COX7B2: variants seen among roughly 807,000 people sequenced by gnomAD.
The protein encoded by COX7B2 is cytochrome c oxidase subunit 7B2.
For missense variants in COX7B2, 109 were observed against 95.9 expected, an observed-to-expected ratio of 1.14 and a Z score of -0.57; for synonymous variants, 37 against 32.1, an observed-to-expected ratio of 1.15 and a Z score of -0.51.
chr4:46,803,752 T>TA (rs1331948201), intron 2 of COX7B2, among the ~76,000 whole-genome samples: 1 of 131,384 alleles, frequency 7.6e-6, no homozygotes, highest in African/African-American at 2.7e-5. Flanking sequence ...TTTTTTTTTT[T>TA]AACATTCCAT....
At chr4:46,759,905 T>C (rs184771268) in intron 2 of COX7B2, among the ~76,000 whole-genome samples, 22 of 149,674 alleles carry the variant, frequency 1.5e-4, no homozygotes, top group Admixed American at 9.3e-4. Flanking sequence ...ATAAGTCTTA[T>C]CTTATATAAG....
chr4:46,754,495 T>C (rs1165830084), intron 2 of COX7B2, among the ~76,000 whole-genome samples: 1 of 118,756 alleles, frequency 8.4e-6, no homozygotes, highest in Non-Finnish European at 1.6e-5. Context: ...TTCTCACTCA[T>C]AGTTGGGAAC....
At position 46,862,368 on chromosome 4, in the gene COX7B2, T is replaced by G. The variant is rs1428200204; in HGVS notation, c.-104-17354A>C. Among the ~76,000 whole-genome samples, 3 of 152,330 alleles carry G rather than the reference T, an allele frequency of 2.0e-5. No homozygotes were observed. In the East Asian group the frequency reaches 5.8e-4, roughly 29 times the overall value. On this transcript the variant is annotated intron_variant, in intron 1 of 2. Coordinates refer to ENST00000355591, the MANE Select transcript of COX7B2 (RefSeq NM_130902.3). ...TGGTGAATTTTATATTGCTATCTTATGACTAGAATTCTGAGGTAAAAGCAA... is the reference window on the plus strand; with the variant it reads ...TGGTGAATTTTATATTGCTATCTTAGGACTAGAATTCTGAGGTAAAAGCAA...
chr4:46,806,847 G>T (rs957679559), intron 2 of COX7B2, among the ~76,000 whole-genome samples: 10 of 151,984 alleles, frequency 6.6e-5, no homozygotes, highest in Non-Finnish European at 1.5e-4. Context: ...CAAAGGGCAA[G>T]ATCTTGCTTT....
At chr4:46,810,009 G>A (rs1235725221) in intron 2 of COX7B2, among the ~76,000 whole-genome samples, 1 of 151,948 alleles carries the variant, frequency 6.6e-6, no homozygotes, top group Non-Finnish European at 1.5e-5. Context: ...TTTGTCCCAT[G>A]TTACTTTTTG....
intron 2 of COX7B2, among the ~76,000 whole-genome samples, chr4:46,780,652 T>C (rs1024590054): frequency 2.6e-5 from 4 of 152,246 alleles, no homozygotes; most frequent in African/African-American, 9.6e-5. Flanking sequence ...GATATGTGAT[T>C]ACATATACTT....
chr4:46,852,725 C>G (rs1005991612), intron 1 of COX7B2, among the ~76,000 whole-genome samples: 1 of 152,114 alleles, frequency 6.6e-6, no homozygotes, highest in Non-Finnish European at 1.5e-5. Context: ...TATGAAAAAT[C>G]TGAGTCACCC....
chr4:46,820,218 G>T (rs555345700), intron 2 of COX7B2, among the ~76,000 whole-genome samples: 1 of 152,292 alleles, frequency 6.6e-6, no homozygotes, highest in South Asian at 2.1e-4. Flanking sequence ...CCATCTGGGG[G>T]AGATCGGAAA....
intron 1 of COX7B2, among the ~76,000 whole-genome samples, chr4:46,882,229 A>G (rs1718793470): frequency 4.6e-5 from 7 of 152,148 alleles, no homozygotes; most frequent in Admixed American, 4.6e-4. Flanking sequence ...GGTCAATTTT[A>G]GAGTATGTAC....
At chr4:46,818,623 C>A (rs1185237901) in intron 2 of COX7B2, among the ~76,000 whole-genome samples, 1 of 148,386 alleles carries the variant, frequency 6.7e-6, no homozygotes, top group African/African-American at 2.5e-5. Flanking sequence ...GGCGACTGAG[C>A]GAGACTCTGT....
chr4:46,849,677 T>C (rs1054054901), intron 1 of COX7B2, among the ~76,000 whole-genome samples: 5 of 152,062 alleles, frequency 3.3e-5, no homozygotes, highest in Non-Finnish European at 5.9e-5. Flanking sequence ...ATTTAATGAA[T>C]TGGAGACAAT....
At chr4:46,747,669 T>A (rs1715106277) in intron 2 of COX7B2, among the ~76,000 whole-genome samples, 1 of 152,164 alleles carries the variant, frequency 6.6e-6, no homozygotes. Context: ...CAAACACTTC[T>A]CCTTTAAAGG....
In COX7B2 at chr4:46,846,607, A is replaced by G. The variant is rs114049517; in HGVS notation, c.-104-1593T>C. On this transcript the variant is annotated intron_variant, in intron 1 of 2. Transcript: ENST00000355591. ...TTGAACGGCTCTAAAGTGAGAGGGT[A>G]CCTGAGCTGCTCAGAAAACAGCAAG... is the stretch of plus-strand genomic sequence containing the variant. Among the ~76,000 whole-genome samples, 1,175 of 152,050 alleles carry G rather than the reference A, an allele frequency of 7.7e-3. 18 individuals carry two copies. Among genetic ancestry groups the G allele is most frequent in the African/African-American group, 0.027 (1,133 of 41,510 alleles).
At chr4:46,841,773 C>A (rs147185168) in intron 2 of COX7B2, among the ~76,000 whole-genome samples, 122 of 152,046 alleles carry the variant, frequency 8.0e-4, no homozygotes, top group Non-Finnish European at 1.5e-3. Flanking sequence ...TGATGAGCTA[C>A]TTAGTAGCCT....
intron 2 of COX7B2, among the ~76,000 whole-genome samples, chr4:46,810,190 C>T (rs1459154521): frequency 6.6e-6 from 1 of 151,972 alleles, no homozygotes; most frequent in Non-Finnish European, 1.5e-5. Context: ...ATCCATTCAG[C>T]CACTCTGTGT....
intron 2 of COX7B2, among the ~76,000 whole-genome samples, chr4:46,827,403 C>A (rs1016220833): frequency 3.3e-5 from 5 of 151,926 alleles, no homozygotes; most frequent in Admixed American, 3.3e-4. Context: ...ATCATGCAAC[C>A]AACTGTAGGT....
At chr4:46,845,658 A>G (rs190750178) in intron 1 of COX7B2, among the ~76,000 whole-genome samples, 7 of 152,128 alleles carry the variant, frequency 4.6e-5, no homozygotes, top group Non-Finnish European at 1.0e-4. Flanking sequence ...GGGACACAGA[A>G]AAAAAGAGCA....
At chr4:46,836,447 C>T (rs149452871) in intron 2 of COX7B2, among the ~76,000 whole-genome samples, 60 of 151,982 alleles carry the variant, frequency 3.9e-4, no homozygotes, top group African/African-American at 1.4e-3. Flanking sequence ...ATCAATATTA[C>T]TATCTTCCAT....
Position 46,762,812 on chromosome 4 carries a change from T to C in COX7B2, c.-49-27571A>G, listed in dbSNP as rs191087742. Among the ~76,000 whole-genome samples the C allele has an allele frequency of 1.2e-3, 183 of 148,644 alleles. 1 individual carries two copies. The highest frequency in any genetic ancestry group is 4.3e-3 in the African/African-American group (173 of 40,640). On this transcript the variant is annotated intron_variant, in intron 2 of 2. Coordinates refer to ENST00000355591, the MANE Select transcript of COX7B2 (RefSeq NM_130902.3). ...ATGAAAAAAAGGGAACAAGGAAAGT[T>C]TGCACCCTGCTCAAGGTCACATAAT... is the stretch of plus-strand genomic sequence containing the variant.
Sources: allele counts gnomAD v4.1 joint callset (sites outside exome capture counted in the v4.1 genomes callset), GRCh38; gene constraint gnomAD v4.1.1; transcripts MANE v1.5; gene names NCBI Gene and HGNC (gene_info 2026-07-23, HGNC 2026-07-21).